Variants in RBFOX1 observed in about 807,000 individuals in gnomAD.
RBFOX1 encodes RNA binding protein fox-1 homolog 1.
Under a neutral mutation model 57.7 loss-of-function variants are expected in RBFOX1, and 8 were observed. The observed-to-expected ratio is 0.14, with a 90% confidence interval of 0.08 to 0.25. The LOEUF (loss-of-function observed/expected upper bound fraction) is 0.25. Among genes scored for constraint, RBFOX1 ranks in the 10% least tolerant of loss-of-function variants. RBFOX1 has a pLI of 1.00. For missense variants in RBFOX1, 611 were observed against 548.5 expected (o/e 1.11, Z -1.14); for synonymous variants, 326 against 222.4 (o/e 1.47, Z -4.15).
At chr16:6,976,980 T>C (rs538468087) in intron 3 of RBFOX1, among the ~76,000 whole-genome samples, 1 of 147,276 alleles carries the variant, frequency 6.8e-6, no homozygotes, top group African/African-American at 2.5e-5. Context: ...ATATCACATA[T>C]CATATATATC....
chr16:7,344,268 C>G (rs1002977612), intron 4 of RBFOX1, among the ~76,000 whole-genome samples: 1 of 151,102 alleles, frequency 6.6e-6, no homozygotes, highest in Non-Finnish European at 1.5e-5. Flanking sequence ...TCAATTAATA[C>G]TCCCTAAGTA....
chr16:6,971,078 C>A (rs1240446065), intron 3 of RBFOX1, among the ~76,000 whole-genome samples: 1 of 152,150 alleles, frequency 6.6e-6, no homozygotes. Flanking sequence ...AGGACACATG[C>A]GTTTCCTGAT....
chr16:7,535,510 G>A (rs754202345), intron 5 of RBFOX1, among the ~76,000 whole-genome samples: 2 of 152,206 alleles, frequency 1.3e-5, no homozygotes, highest in African/African-American at 2.4e-5. Context: ...GCTAGATACA[G>A]GGAAGGGAGG....
chr16:5,536,569 C>G (rs2044706653), intron 2 of RBFOX1, among the ~76,000 whole-genome samples: 1 of 152,034 alleles, frequency 6.6e-6, no homozygotes, highest in Non-Finnish European at 1.5e-5. Context: ...ACAAAGAAAG[C>G]CGATCACTGA....
intron 1 of RBFOX1, among the ~76,000 whole-genome samples, chr16:6,235,959 A>G (rs2097502637): frequency 6.6e-6 from 1 of 152,090 alleles, no homozygotes; most frequent in Admixed American, 6.6e-5. Context: ...ACCATTAAAG[A>G]ATTTACTCAT....
intron 1 of RBFOX1, among the ~76,000 whole-genome samples, chr16:6,084,620 G>GAA (rs5815281): frequency 4.0e-5 from 6 of 150,298 alleles, no homozygotes; most frequent in African/African-American, 1.5e-4. Context: ...AGTTTAGAAA[G>GAA]AAAAAAAAAC....
chr16:7,095,176 G>A (rs1431903647), intron 4 of RBFOX1, among the ~76,000 whole-genome samples: 4 of 151,730 alleles, frequency 2.6e-5, no homozygotes, highest in Non-Finnish European at 5.9e-5. Flanking sequence ...TCACTCTGTC[G>A]CCCACGCTGG....
At chr16:6,985,852 A>ATTTTTTTT (rs137915101) in intron 3 of RBFOX1, among the ~76,000 whole-genome samples, 2 of 135,626 alleles carry the variant, frequency 1.5e-5, no homozygotes, top group Non-Finnish European at 3.1e-5. Context: ...AAAAAACAGA[A>ATTTTTTTT]TTTTTTTTTC....
intron 1 of RBFOX1, among the ~76,000 whole-genome samples, chr16:5,426,955 G>T (rs1224297504): frequency 6.6e-6 from 1 of 152,328 alleles, no homozygotes; most frequent in African/African-American, 2.4e-5. Flanking sequence ...CTTGTAAGTG[G>T]TAAAGGCAGG....
intron 3 of RBFOX1, among the ~76,000 whole-genome samples, chr16:5,753,357 A>C (rs767859844): frequency 6.6e-6 from 1 of 152,170 alleles, no homozygotes; most frequent in Non-Finnish European, 1.5e-5. Flanking sequence ...ATGTGCCCTG[A>C]TTAGTGGTTA....
At chr16:6,309,919 C>T (rs1186537615) in intron 1 of RBFOX1, among the ~76,000 whole-genome samples, 1 of 152,172 alleles carries the variant, frequency 6.6e-6, no homozygotes, top group Non-Finnish European at 1.5e-5. Context: ...CATTTTGAGA[C>T]AGAGTCTCGC....
At chr16:5,742,042 A>C (rs1244388207) in intron 3 of RBFOX1, among the ~76,000 whole-genome samples, 1 of 152,194 alleles carries the variant, frequency 6.6e-6, no homozygotes, top group Admixed American at 6.5e-5. Flanking sequence ...GAAAATAATA[A>C]ATCAGATTTT....
chr16:7,068,196 T>C (rs545090395), intron 4 of RBFOX1, among the ~76,000 whole-genome samples: 23 of 152,240 alleles, frequency 1.5e-4, no homozygotes, highest in Non-Finnish European at 2.6e-4. Context: ...CTGTTTGCCA[T>C]GTACCATAGC....
chr16:7,463,311 A>G (rs2059911936), intron 4 of RBFOX1, among the ~76,000 whole-genome samples: 1 of 152,142 alleles, frequency 6.6e-6, no homozygotes, highest in Non-Finnish European at 1.5e-5. Flanking sequence ...CAAGACCAGC[A>G]TGGGCAACAT....
intron 4 of RBFOX1, among the ~76,000 whole-genome samples, chr16:5,985,394 C>G (rs192193229): frequency 3.0e-4 from 46 of 152,174 alleles, no homozygotes; most frequent in African/African-American, 8.9e-4. Flanking sequence ...TCCCTTCTCT[C>G]CACAGTCCTG....
intron 2 of RBFOX1, among the ~76,000 whole-genome samples, chr16:5,580,237 A>G (rs908951374): frequency 6.6e-6 from 1 of 152,174 alleles, no homozygotes; most frequent in Non-Finnish European, 1.5e-5. Flanking sequence ...GGGCCTGAAG[A>G]GCCAGTGAGG....
chr16:5,346,734 G>A (rs1330145255), intron 1 of RBFOX1, among the ~76,000 whole-genome samples: 1 of 152,188 alleles, frequency 6.6e-6, no homozygotes, highest in Non-Finnish European at 1.5e-5. Context: ...GTGGAAGGAT[G>A]TAACGGTTAA....
chr16:5,483,470 C>T (rs983713151), intron 2 of RBFOX1, among the ~76,000 whole-genome samples: 1 of 152,186 alleles, frequency 6.6e-6, no homozygotes, highest in Non-Finnish European at 1.5e-5. Flanking sequence ...AATTCTAAAG[C>T]TCCTTCCGGA....
intron 4 of RBFOX1, among the ~76,000 whole-genome samples, chr16:6,002,747 A>G (rs1410168758): frequency 6.6e-6 from 1 of 152,228 alleles, no homozygotes; most frequent in Non-Finnish European, 1.5e-5. Flanking sequence ...CATTTTAAGT[A>G]CCATATTTAT....
Sources: gnomAD v4.1 joint callset for allele counts (sites outside exome capture counted in the v4.1 genomes callset) on GRCh38, gnomAD v4.1.1 for gene constraint, MANE v1.5 for transcripts, NCBI Gene and HGNC (gene_info 2026-07-23, HGNC 2026-07-21) for gene names.